PLCB1: variants seen among roughly 807,000 people sequenced by gnomAD.
PLCB1 encodes 1-phosphatidylinositol 4,5-bisphosphate phosphodiesterase beta-1.
A neutral mutation model predicts 161.8 loss-of-function variants in PLCB1; 46 were observed. That is an observed-to-expected ratio of 0.28 (90% CI 0.22 to 0.36). The LOEUF (loss-of-function observed/expected upper bound fraction) is 0.36. Among genes scored for constraint, PLCB1 ranks in the 10% least tolerant of loss-of-function variants. PLCB1 has a pLI of 1.00. For missense variants in PLCB1, 1,016 were observed against 1,472.5 expected, an observed-to-expected ratio of 0.69 and a Z score of 5.07; for synonymous variants, 517 against 503.7, an observed-to-expected ratio of 1.03 and a Z score of -0.35.
rs140878632 is a variant in PLCB1, at chr20:8,332,116, T to C, written c.178-39266T>C. Among the ~76,000 whole-genome samples, 406 of 152,288 alleles carry C rather than the reference T, an allele frequency of 2.7e-3. 4 individuals are homozygous for C. The highest frequency in any genetic ancestry group is 4.4e-3 in the Non-Finnish European group (301 of 68,020). ...ACTGGCAGAGGAACACACAAAGCAT[T>C]TGACCTTGCTCCCATCTTTCATAAT... On this transcript the variant is annotated intron_variant, in intron 2 of 31. Coordinates refer to ENST00000338037, the MANE Select transcript of PLCB1 (RefSeq NM_015192.4).
chr20:8,874,103 T>C (rs78524829), intron 31 of PLCB1, among the ~76,000 whole-genome samples: 2,579 of 152,140 alleles, frequency 0.017, 32 homozygotes, highest in African/African-American at 0.027. Flanking sequence ...TTTGAGGTGA[T>C]AAATATGTTA....
rs185876118 is a variant in PLCB1, at chr20:8,671,185, G to A, written c.862+12481G>A. 1.6e-3 allele frequency among the ~76,000 whole-genome samples: 244 copies of A among 152,230 alleles called. 1 individual carries two copies. Among genetic ancestry groups the A allele is most frequent in the Non-Finnish European group, 2.9e-3 (198 of 68,016 alleles). The stretch of plus-strand genomic sequence containing the variant: ...CCCATCTTGACTGTGATTATTCTAC[G>A]TGGATTTATGGGCCATCTGTCTTCC... On this transcript the variant is annotated intron_variant, in intron 9 of 31. Coordinates refer to ENST00000338037, the MANE Select transcript of PLCB1 (RefSeq NM_015192.4).
chr20:8,878,890 C>T (rs1299061645), intron 31 of PLCB1, among the ~76,000 whole-genome samples: 5 of 151,916 alleles, frequency 3.3e-5, no homozygotes, highest in East Asian at 1.9e-4. Flanking sequence ...GTTTGGGATA[C>T]GAATGATCCT....
chr20:8,449,605 G>A (rs1980985097), intron 3 of PLCB1, among the ~76,000 whole-genome samples: 1 of 152,200 alleles, frequency 6.6e-6, no homozygotes, highest in Non-Finnish European at 1.5e-5. Flanking sequence ...TTGTCCCGAA[G>A]GAGAACACTT....
chr20:8,304,401 C>T (rs1395088167), intron 2 of PLCB1, among the ~76,000 whole-genome samples: 1 of 152,016 alleles, frequency 6.6e-6, no homozygotes, highest in Non-Finnish European at 1.5e-5. Context: ...CCTGTTTCAT[C>T]TCTGAGCAGC....
At chr20:8,260,437 AG>A (rs1005305500) in intron 2 of PLCB1, among the ~76,000 whole-genome samples, 17 of 151,950 alleles carry the variant, frequency 1.1e-4, no homozygotes, top group Non-Finnish European at 2.2e-4. Flanking sequence ...AAGCTTGGAG[AG>A]GCTGAGAAAG....
chr20:8,254,722 T>C (rs1275034915), intron 2 of PLCB1, among the ~76,000 whole-genome samples: 1 of 152,052 alleles, frequency 6.6e-6, no homozygotes, highest in East Asian at 1.9e-4. Context: ...TTGTTTAAAA[T>C]AATGTATGCC....
chr20:8,517,815 A>G lies in PLCB1; in HGVS notation c.247-110479A>G, dbSNP rs190653518. Among the ~76,000 whole-genome samples, 3 of 152,270 alleles carry G rather than the reference A, an allele frequency of 2.0e-5. No homozygotes were observed. In the South Asian group the frequency reaches 6.2e-4, roughly 32 times the overall value. On this transcript the variant is annotated intron_variant, in intron 3 of 31. Transcript: ENST00000338037. ...TATGCTTAAGTTATTGCTGTCAGGT[A>G]TGTTTATCCTACACCAGGTTGATAA...
intron 31 of PLCB1, among the ~76,000 whole-genome samples, chr20:8,848,868 A>G (rs1029881788): frequency 2.0e-5 from 3 of 152,260 alleles, no homozygotes; most frequent in African/African-American, 7.2e-5. Context: ...GCTAAAGAAG[A>G]ATAGCTTCCC....
At chr20:8,148,228 C>G (rs1219268935) in intron 1 of PLCB1, among the ~76,000 whole-genome samples, 1 of 152,180 alleles carries the variant, frequency 6.6e-6, no homozygotes, top group Non-Finnish European at 1.5e-5. Flanking sequence ...AGTAACAAAA[C>G]AGGACTGAAA....
At chr20:8,330,435 T>C (rs549264158) in intron 2 of PLCB1, among the ~76,000 whole-genome samples, 13 of 152,332 alleles carry the variant, frequency 8.5e-5, no homozygotes, top group African/African-American at 2.2e-4. Flanking sequence ...CCATGCTGCA[T>C]TGATAAAATG....
intron 31 of PLCB1, among the ~76,000 whole-genome samples, chr20:8,861,356 G>A (rs527294951): frequency 6.6e-6 from 1 of 152,214 alleles, no homozygotes; most frequent in Non-Finnish European, 1.5e-5. Flanking sequence ...CAAAGGATAA[G>A]TCATTAGTTG....
intron 2 of PLCB1, among the ~76,000 whole-genome samples, chr20:8,189,559 G>A (rs938481974): frequency 8.6e-5 from 13 of 151,848 alleles, no homozygotes; most frequent in Admixed American, 7.2e-4. Context: ...AAATGTAGGC[G>A]GCGACACTTT....
chr20:8,770,583 GA>G lies in PLCB1; in HGVS notation c.2931-3955del, dbSNP rs1459027550. Among the ~76,000 whole-genome samples the G allele has an allele frequency of 3.3e-5, 5 of 152,258 alleles. No homozygotes were observed. In the East Asian group the frequency reaches 9.7e-4, roughly 29 times the overall value. On this transcript the variant is annotated intron_variant, in intron 26 of 31. Transcript: ENST00000338037. Reference sequence around the variant, plus strand: ...GCAGTTTGTTTTTATACATTCTAGGGAGACATGAGACATCACTCAACCTATG... The same window carrying G: ...GCAGTTTGTTTTTATACATTCTAGGGGACATGAGACATCACTCAACCTATG...
chr20:8,693,308 T>C (rs1482842163), intron 10 of PLCB1, among the ~76,000 whole-genome samples: 10 of 152,198 alleles, frequency 6.6e-5, no homozygotes, highest in African/African-American at 2.4e-4. Flanking sequence ...GGCTCTTACA[T>C]AGACACTTTG....
chr20:8,734,021 A>G (rs980808577), intron 19 of PLCB1, among the ~76,000 whole-genome samples: 1 of 147,162 alleles, frequency 6.8e-6, no homozygotes, highest in Non-Finnish European at 1.5e-5. Context: ...CCAGCTACTC[A>G]AGAGGCTGAG....
rs1356074366 is a variant in PLCB1 at position 8,881,861 on chromosome 20, A to G, written c.*12A>G. ...ATACTCCTCTGTGAATGCTCCTGCC[A>G]GGCCTTCAGAAATTGCATGGCCACT... On this transcript the variant is annotated 3_prime_UTR_variant, in exon 32 of 32. Coordinates refer to ENST00000338037, the MANE Select transcript of PLCB1 (RefSeq NM_015192.4). 6.3e-7 allele frequency: 1 copy of G among 1,579,404 alleles called. No individual in the cohort carries two copies. Among genetic ancestry groups the G allele is most frequent in the East Asian group, 2.2e-5 (1 of 44,676 alleles).
chr20:8,440,128 C>T (rs1232748), intron 3 of PLCB1, among the ~76,000 whole-genome samples: 59,234 of 151,996 alleles, frequency 0.39, 11,790 homozygotes, highest in South Asian at 0.48. Flanking sequence ...GTATGCTGAT[C>T]ACCTCAAGGT....
intron 3 of PLCB1, among the ~76,000 whole-genome samples, chr20:8,561,729 G>A (rs776140357): frequency 3.3e-5 from 5 of 151,976 alleles, no homozygotes; most frequent in Non-Finnish European, 4.4e-5. Flanking sequence ...TTAGAAAGTG[G>A]AATTTATAGA....
Sources: allele counts gnomAD v4.1 joint callset (sites outside exome capture counted in the v4.1 genomes callset), GRCh38; gene constraint gnomAD v4.1.1; transcripts MANE v1.5; gene names NCBI Gene and HGNC (gene_info 2026-07-23, HGNC 2026-07-21).